The following DOK6 variants were observed in gnomAD, a reference collection of about 807,000 sequenced individuals.
DOK6 encodes downstream of tyrosine kinase 6.
DOK6 carries 22 observed loss-of-function variants against 44.0 expected under a neutral mutation model. The ratio of observed to expected loss-of-function variants is 0.50; its 90% CI spans 0.36 to 0.71. DOK6 has a LOEUF of 0.71. Among genes scored for constraint, DOK6 ranks in the 30% least tolerant of loss-of-function variants. The pLI, the probability that DOK6 is intolerant of heterozygous loss-of-function variation, is 0.00. For missense variants in DOK6, 340 were observed against 416.4 expected (o/e 0.82, Z 1.60); for synonymous variants, 166 against 145.5 (o/e 1.14, Z -1.01).
intron 3 of DOK6, among the ~76,000 whole-genome samples, chr18:69,659,151 C>T (rs1418073593): frequency 6.6e-6 from 1 of 152,220 alleles, no homozygotes. Context: ...TTCTGGCACC[C>T]TGAGCTCTGC....
At chr18:69,430,943 C>T (rs1019328648) in intron 1 of DOK6, among the ~76,000 whole-genome samples, 52 of 152,196 alleles carry the variant, frequency 3.4e-4, no homozygotes, top group Middle Eastern at 3.4e-3. Flanking sequence ...TCTAGCCTGG[C>T]GACAGAGCGA....
At chr18:69,732,154 T>A (rs1292869967) in intron 5 of DOK6, among the ~76,000 whole-genome samples, 1 of 152,186 alleles carries the variant, frequency 6.6e-6, no homozygotes, top group African/African-American at 2.4e-5. Flanking sequence ...TATTGATAAT[T>A]TTCATTTGCT....
chr18:69,804,634 G>T (rs1476765568), intron 7 of DOK6, among the ~76,000 whole-genome samples: 1 of 152,114 alleles, frequency 6.6e-6, no homozygotes, highest in Non-Finnish European at 1.5e-5. Context: ...GTTTATGGAT[G>T]AACACATTAA....
At chr18:69,463,792 T>C (rs1433258483) in intron 1 of DOK6, among the ~76,000 whole-genome samples, 1 of 152,042 alleles carries the variant, frequency 6.6e-6, no homozygotes, top group East Asian at 1.9e-4. Flanking sequence ...TCTGTGCAAA[T>C]GTGTGTGTGC....
intron 1 of DOK6, among the ~76,000 whole-genome samples, chr18:69,433,535 T>A (rs1165086938): frequency 6.6e-6 from 1 of 152,170 alleles, no homozygotes; most frequent in Non-Finnish European, 1.5e-5. Flanking sequence ...AAAGCTCATA[T>A]ACATCTAAGT....
chr18:69,557,728 T>C (rs1004718635), intron 1 of DOK6, among the ~76,000 whole-genome samples: 1 of 152,096 alleles, frequency 6.6e-6, no homozygotes, highest in African/African-American at 2.4e-5. Flanking sequence ...GGAGATAGTT[T>C]TGAATGAGAA....
chr18:69,750,366 T>A (rs1979136302), intron 6 of DOK6, among the ~76,000 whole-genome samples: 1 of 151,960 alleles, frequency 6.6e-6, no homozygotes, highest in Admixed American at 6.6e-5. Flanking sequence ...GCTTTGTGAA[T>A]TAAATAAAAT....
intron 1 of DOK6, among the ~76,000 whole-genome samples, chr18:69,439,099 A>C (rs1403382087): frequency 1.3e-5 from 2 of 152,092 alleles, no homozygotes; most frequent in Non-Finnish European, 2.9e-5. Context: ...ACCTCCTTGC[A>C]CATTTCCATC....
At chr18:69,783,099 C>T (rs1687125107) in intron 7 of DOK6, among the ~76,000 whole-genome samples, 1 of 152,212 alleles carries the variant, frequency 6.6e-6, no homozygotes, top group African/African-American at 2.4e-5. Flanking sequence ...ACTTGCATCT[C>T]AGCCTTTTGT....
At chr18:69,492,239 T>G (rs1426397271) in intron 1 of DOK6, among the ~76,000 whole-genome samples, 1 of 152,134 alleles carries the variant, frequency 6.6e-6, no homozygotes, top group Non-Finnish European at 1.5e-5. Flanking sequence ...TGTCACACAA[T>G]TAATTTTAAA....
chr18:69,516,863 T>C (rs943445042), intron 1 of DOK6, among the ~76,000 whole-genome samples: 8 of 147,436 alleles, frequency 5.4e-5, no homozygotes, highest in African/African-American at 2.0e-4. Flanking sequence ...TTTTTTCTAG[T>C]GAAGACGACC....
At chr18:69,437,579 A>T (rs1358195360) in intron 1 of DOK6, among the ~76,000 whole-genome samples, 57 of 152,152 alleles carry the variant, frequency 3.7e-4, no homozygotes, top group Admixed American at 3.7e-3. Context: ...GTAGCCTTGT[A>T]GTATAGTTTG....
At chr18:69,719,416 C>T (rs1986956273) in intron 5 of DOK6, among the ~76,000 whole-genome samples, 1 of 152,148 alleles carries the variant, frequency 6.6e-6, no homozygotes, top group East Asian at 1.9e-4. Context: ...ACATCAAAGA[C>T]TTAGGTTTTA....
At chr18:69,577,303 T>C (rs1460328900) in intron 2 of DOK6, among the ~76,000 whole-genome samples, 1 of 152,146 alleles carries the variant, frequency 6.6e-6, no homozygotes, top group East Asian at 1.9e-4. Flanking sequence ...TATGCTTGGA[T>C]GAGCACATAT....
chr18:69,558,266 C>T (rs887842713), intron 1 of DOK6, among the ~76,000 whole-genome samples: 2 of 152,046 alleles, frequency 1.3e-5, no homozygotes, highest in African/African-American at 4.8e-5. Flanking sequence ...AGGTGATCTC[C>T]TTGTACTTCT....
chr18:69,819,352 A>T (rs1266703678), intron 7 of DOK6, among the ~76,000 whole-genome samples: 1 of 152,188 alleles, frequency 6.6e-6, no homozygotes, highest in Non-Finnish European at 1.5e-5. Context: ...TTTGCTGCTC[A>T]TCAAACAAGC....
rs1430013511 is a variant in DOK6, at chr18:69,847,507, T to C, written c.*6124T>C. The C allele has an allele frequency of 6.6e-6, 1 of 152,154 alleles. No individual in the cohort carries two copies. The highest frequency in any genetic ancestry group is 2.4e-5 in the African/African-American group (1 of 41,448). 9.4% of individuals were successfully genotyped at this position (152,154 alleles called of 1,614,324 possible). On this transcript the variant is annotated 3_prime_UTR_variant, in exon 8 of 8. Transcript: ENST00000382713. ...CAGGCAAAGAAGGAAACTGAGATAA[T>C]GATTTAATTTTTTTAAGTCACTGCA...
intron 1 of DOK6, among the ~76,000 whole-genome samples, chr18:69,554,621 A>G (rs1982643564): frequency 6.6e-6 from 1 of 152,158 alleles, no homozygotes; most frequent in East Asian, 1.9e-4. Context: ...TTCTTGTGCA[A>G]TGTACAGATA....
chr18:69,701,077 T>C (rs1986507778), intron 5 of DOK6, among the ~76,000 whole-genome samples: 1 of 152,254 alleles, frequency 6.6e-6, no homozygotes, highest in Admixed American at 6.5e-5. Context: ...TCAAATGCAT[T>C]GTTAAATTCT....
Sources: gnomAD v4.1 joint callset for allele counts (sites outside exome capture counted in the v4.1 genomes callset) on GRCh38, gnomAD v4.1.1 for gene constraint, MANE v1.5 for transcripts, NCBI Gene and HGNC (gene_info 2026-07-23, HGNC 2026-07-21) for gene names.